STMN3: variants seen among roughly 807,000 people sequenced by gnomAD.
STMN3 encodes stathmin-3.
In STMN3, 24 loss-of-function variants were observed where a neutral mutation model predicts 23.2. The ratio of observed to expected loss-of-function variants is 1.03; its 90% CI spans 0.75 to 1.45. The LOEUF is 1.45. Ranked by LOEUF, STMN3 falls within the 40% of genes most tolerant of loss-of-function variation. The pLI is 0.00. For synonymous variants in STMN3, 117 were observed against 103.4 expected (o/e 1.13, Z -0.80); for missense variants, 235 against 237.6 (o/e 0.99, Z 0.07).
At chr20:63,647,948 G>GTGTGTGTGTA (rs1320052757) in intron 1 of STMN3, among the ~76,000 whole-genome samples, 17 of 63,830 alleles carry the variant, frequency 2.7e-4, no homozygotes, top group South Asian at 4.2e-4. Context: ...GTGTGTGTGT[G>GTGTGTGTGTA]TATATATATA....
At chr20:63,653,123 G>T (rs945509286) in intron 1 of STMN3, among the ~76,000 whole-genome samples, 1 of 151,400 alleles carries the variant, frequency 6.6e-6, no homozygotes, top group South Asian at 2.1e-4. Flanking sequence ...AGCGCTCCCC[G>T]GCGCGGCGCC....
At chr20:63,646,358 T>C (rs1458832804) in intron 1 of STMN3, among the ~76,000 whole-genome samples, 1 of 152,014 alleles carries the variant, frequency 6.6e-6, no homozygotes, top group Non-Finnish European at 1.5e-5. Flanking sequence ...TGTCAAGTTT[T>C]CTTTTTTTCT....
chr20:63,647,973 T>C lies in STMN3; in HGVS notation c.20-3664A>G, dbSNP rs1232760905. On this transcript the variant is annotated intron_variant, in intron 1 of 4. Transcript: ENST00000370053. The stretch of plus-strand genomic sequence containing the variant: ...GTATATATATATGTATATATATATA[T>C]ATATATACATATATATATACAGAGA... Among the ~76,000 whole-genome samples, 16 of 81,828 alleles carry C rather than the reference T, an allele frequency of 2.0e-4. 2 individuals are homozygous for C. Among genetic ancestry groups the C allele is most frequent in the African/African-American group, 7.7e-4 (16 of 20,750 alleles). 53.7% of individuals were successfully genotyped at this position (81,828 alleles called of 152,430 possible).
chr20:63,650,143 A>G (rs1356068715), intron 1 of STMN3, among the ~76,000 whole-genome samples: 2 of 109,320 alleles, frequency 1.8e-5, no homozygotes, highest in Non-Finnish European at 3.8e-5. Context: ...CAGTGCTGGG[A>G]TTACAGGCGT....
chr20:63,650,599 C>T (rs1411935435), intron 1 of STMN3, among the ~76,000 whole-genome samples: 39 of 135,890 alleles, frequency 2.9e-4, no homozygotes, highest in Admixed American at 2.6e-3. Flanking sequence ...TCACACCTCA[C>T]GCCCGCCCCT....
chr20:63,650,132 G>A (rs898970858), intron 1 of STMN3, among the ~76,000 whole-genome samples: 1 of 83,766 alleles, frequency 1.2e-5, no homozygotes, highest in Non-Finnish European at 2.4e-5. Flanking sequence ...CTGGCCCCCC[G>A]CAGTGCTGGG....
At chr20:63,642,355 A>ACT in intron 3 of STMN3, 56 bp from the exon 4 acceptor site, 1 of 1,290,454 alleles carries the variant, frequency 7.7e-7, no homozygotes, top group Non-Finnish European at 1.0e-6. Flanking sequence ...GCCCGGCCGG[A>ACT]CTCCTCCCTG....
At position 63,640,194 on chromosome 20, in the gene STMN3, A is replaced by G. The variant is rs1489956749; in HGVS notation, c.*1144T>C. On this transcript the variant is annotated 3_prime_UTR_variant, in exon 5 of 5. Coordinates refer to ENST00000370053, the MANE Select transcript of STMN3 (RefSeq NM_015894.4). ...TCCGTGGAGAAGTGGGGGATGCTGCAGTGGTACAAAGACAGCCTCCCCCAC... is the reference window on the plus strand; with the variant it reads ...TCCGTGGAGAAGTGGGGGATGCTGCGGTGGTACAAAGACAGCCTCCCCCAC... The G allele has an allele frequency of 6.5e-6, 1 of 152,730 alleles. No individual in the cohort carries two copies. Among genetic ancestry groups the G allele is most frequent in the Admixed American group, 6.5e-5 (1 of 15,278 alleles). 9.5% of individuals were successfully genotyped at this position (152,730 alleles called of 1,614,324 possible).
intron 1 of STMN3, among the ~76,000 whole-genome samples, chr20:63,645,317 T>C (rs1167777029): frequency 6.6e-6 from 1 of 151,926 alleles, no homozygotes. Flanking sequence ...GATTGTGTGG[T>C]CACCTTGAGA....
In STMN3 at chr20:63,641,386, C is replaced by G. The variant is rs774949813; in HGVS notation, c.495G>C (p.Ala165=). The change falls in exon 5 of 5, where the codon GCG becomes GCC. Residue 165 remains alanine (A), a synonymous_variant. Transcript: ENST00000370053. ...RERLREKELH[A]AEVRRNKEQR... ...GCTCCTTGTTCCTGCGCACCTCGGC[C>G]GCGTGCAGCTCCTGCAGGACAGGGG... is the stretch of plus-strand genomic sequence containing the variant. 123 of 1,566,690 alleles carry G rather than the reference C, an allele frequency of 7.9e-5. No homozygotes were observed. The highest frequency in any genetic ancestry group is 1.5e-4 in the Admixed American group (8 of 53,956).
At chr20:63,649,050 G>A (rs2089838561) in intron 1 of STMN3, among the ~76,000 whole-genome samples, 1 of 152,168 alleles carries the variant, frequency 6.6e-6, no homozygotes. Context: ...GAGAGGTGAG[G>A]AACTGGGTTC....
rs2089787874 is a variant in STMN3, at chr20:63,643,822, G to C, written c.225C>G (p.Pro75=). The part of the protein sequence containing the change: ...SPESPMLSSP[P]KKKDTSLEEL... ...CCTCCAGGGAGGTGTCCTTCTTCTT[G>C]GGTGGGGAGGAGAGCATAGGGCTCT... The change falls in exon 3 of 5, where the codon CCC becomes CCG. Residue 75 remains proline, a synonymous_variant. Transcript: ENST00000370053. 1 of 1,561,574 alleles carries C rather than the reference G, an allele frequency of 6.4e-7. No homozygotes were observed. Among genetic ancestry groups the C allele is most frequent in the African/African-American group, 1.4e-5 (1 of 71,124 alleles).
chr20:63,642,293 C>T lies in STMN3; in HGVS notation c.298G>A (p.Glu100Lys). The change falls in exon 4 of 5, where the codon GAG becomes AAG. Residue 100 changes from glutamate to lysine, a missense_variant. By Grantham distance (56) the Glu-to-Lys change is moderately conservative. Transcript: ENST00000370053. ...EAAEERRKTQ[E>K]AQVLKQLAER... ...GCCAGCTGCTTCAGCACCTGCGCCTCCTGCGTCTGTGCGGGGCCGGCGGGC... is the reference window on the plus strand; with the variant it reads ...GCCAGCTGCTTCAGCACCTGCGCCTTCTGCGTCTGTGCGGGGCCGGCGGGC... The T allele has an allele frequency of 6.5e-7, 1 of 1,526,890 alleles. No individual in the cohort carries two copies. Among genetic ancestry groups the T allele is most frequent in the Non-Finnish European group, 8.8e-7 (1 of 1,137,550 alleles). 94.6% of individuals were successfully genotyped at this position (1,526,890 alleles called of 1,614,324 possible).
At position 63,643,795 on chromosome 20, in the gene STMN3, C is replaced by T. The variant is rs2146115180; in HGVS notation, c.252G>A (p.Glu84=). 1 of 1,554,972 alleles carries T rather than the reference C, an allele frequency of 6.4e-7. No individual in the cohort carries two copies. The highest frequency in any genetic ancestry group is 8.6e-7 in the Non-Finnish European group (1 of 1,159,316). The part of the protein sequence containing the change: ...PPKKKDTSLE[E]LQKRLEAAEE... ...CGGCTGCCTCCAGCCGCTTTTGCAG[C>T]TCCTCCAGGGAGGTGTCCTTCTTCT... Residue 84 remains glutamate (E), a synonymous_variant, in exon 3 of 5, where the codon GAG becomes GAA. Transcript: ENST00000370053.
chr20:63,648,952 T>G (rs1438098834), intron 1 of STMN3, among the ~76,000 whole-genome samples: 1 of 151,978 alleles, frequency 6.6e-6, no homozygotes, highest in African/African-American at 2.4e-5. Flanking sequence ...TGTGAGCACC[T>G]GCATCATCAG....
intron 1 of STMN3, among the ~76,000 whole-genome samples, chr20:63,645,385 C>A (rs185745699): frequency 6.6e-6 from 1 of 152,280 alleles, no homozygotes; most frequent in Non-Finnish European, 1.5e-5. Flanking sequence ...GGGCTTGGGC[C>A]ACTGATGCCA....
At chr20:63,651,924 G>A (rs1039382721) in intron 1 of STMN3, among the ~76,000 whole-genome samples, 1 of 152,184 alleles carries the variant, frequency 6.6e-6, no homozygotes, top group African/African-American at 2.4e-5. Context: ...GACCGTCAGG[G>A]AAAGGCTGTC....
At chr20:63,641,475 G>A (rs1168329170) in intron 4 of STMN3, 78 bp from the exon 5 acceptor site, 4 of 1,267,562 alleles carry the variant, frequency 3.2e-6, no homozygotes, top group South Asian at 1.3e-5. Context: ...CGCGCAGGCC[G>A]TGGCGCCCTG....
chr20:63,642,586 T>TACCCTGCCGCCACTGCAC (rs1247489817), intron 3 of STMN3, among the ~76,000 whole-genome samples: 1 of 151,938 alleles, frequency 6.6e-6, no homozygotes, highest in Non-Finnish European at 1.5e-5. Context: ...GCCCCCGCCA[T>TACCCTGCCGCCACTGCAC]ACCCTGCCGC....
Sources: allele counts gnomAD v4.1 joint callset (sites outside exome capture counted in the v4.1 genomes callset), GRCh38; gene constraint gnomAD v4.1.1; transcripts MANE v1.5; gene names NCBI Gene and HGNC (gene_info 2026-07-23, HGNC 2026-07-21).